Variants in TADA1 observed in about 807,000 individuals in gnomAD.
TADA1 encodes transcriptional adapter 1.
In TADA1, 23 loss-of-function variants were observed where a neutral mutation model predicts 39.3. The ratio of observed to expected loss-of-function variants is 0.58; its 90% confidence interval spans 0.42 to 0.83. The LOEUF (loss-of-function observed/expected upper bound fraction) is 0.83, where lower values mean the gene tolerates loss of function less well. Among genes scored for constraint, TADA1 ranks in the 40% least tolerant of loss-of-function variants. The pLI, the probability that TADA1 is intolerant of heterozygous loss-of-function variation, is 0.00. For synonymous variants in TADA1, 137 were observed against 151.8 expected (o/e 0.90, Z 0.72); for missense variants, 352 against 408.1 (o/e 0.86, Z 1.18).
Position 166,866,479 on chromosome 1 carries a change from A to T in TADA1, c.233-2558T>A, listed in dbSNP as rs531109427. ...TCCTGACTAGCTTAGAAAACTAGAAAACAACCCATCCAAAATTGTGAGGTA... is the reference window on the plus strand; with the variant it reads ...TCCTGACTAGCTTAGAAAACTAGAATACAACCCATCCAAAATTGTGAGGTA... On this transcript the variant is annotated intron_variant, in intron 3 of 7. Transcript: ENST00000367874. Among the ~76,000 whole-genome samples, 227 of 152,260 alleles carry T rather than the reference A, an allele frequency of 1.5e-3. 4 individuals carry two copies. Among genetic ancestry groups the T allele is most frequent in the Admixed American group, 3.7e-3 (56 of 15,300 alleles).
intron 4 of TADA1, 135 bp downstream of exon 4, chr1:166,863,689 C>T: frequency 1.3e-6 from 1 of 796,876 alleles, no homozygotes; most frequent in Non-Finnish European, 2.0e-6. Flanking sequence ...CCTTGAAACG[C>T]TTTTCTTCCC....
At chr1:166,858,032 G>C (rs1487892232) in intron 7 of TADA1, 87 bp downstream of exon 7, 2 of 1,510,150 alleles carry the variant, frequency 1.3e-6, no homozygotes, top group Admixed American at 2.0e-5. Context: ...CCAAGAAGTG[G>C]AAAAAACCAG....
At chr1:166,872,542 C>T (rs1354174870) in intron 1 of TADA1, among the ~76,000 whole-genome samples, 1 of 152,034 alleles carries the variant, frequency 6.6e-6, no homozygotes, top group Non-Finnish European at 1.5e-5. Context: ...TGTGGTGGAA[C>T]GCACCTGTAA....
chr1:166,863,848 A>G lies in TADA1; in HGVS notation c.306T>C (p.Leu102=), dbSNP rs769146126. Residue 102 remains leucine, a synonymous_variant, in exon 4 of 8, where the codon CTT becomes CTC. Transcript: ENST00000367874. ...KPGKPKGKKK[L]SSVRQKFDHR... is the part of the protein sequence containing the mutation. ...CATCAAATTTCTGACGAACAGAAGA[A>G]AGCTTTTTCTTTCCCTTGGGTTTTC... 16 of 1,612,248 alleles carry G rather than the reference A, an allele frequency of 9.9e-6. No individual in the cohort carries two copies. The highest frequency in any genetic ancestry group is 1.4e-5 in the Non-Finnish European group (16 of 1,179,540).
chr1:166,860,475 G>A, intron 5 of TADA1, 138 bp from the exon 6 acceptor site: 3 of 797,332 alleles, frequency 3.8e-6, no homozygotes, highest in Non-Finnish European at 1.9e-6. Flanking sequence ...CCAAATGAAT[G>A]TTCACATGAA....
chr1:166,860,150 A>G, intron 6 of TADA1, 36 bp downstream of exon 6: 2 of 1,571,600 alleles, frequency 1.3e-6, no homozygotes, highest in Non-Finnish European at 1.7e-6. Context: ...ACAACTAGCA[A>G]AAGATGGAAA....
chr1:166,860,079 G>A (rs1658373138), intron 6 of TADA1, 107 bp downstream of exon 6: 3 of 1,098,592 alleles, frequency 2.7e-6, no homozygotes, highest in South Asian at 2.0e-5. Flanking sequence ...TCCTATTAAA[G>A]GTACTTAAAC....
intron 3 of TADA1, among the ~76,000 whole-genome samples, chr1:166,867,758 T>C (rs1010734705): frequency 6.6e-6 from 1 of 151,446 alleles, no homozygotes; most frequent in Non-Finnish European, 1.5e-5. Context: ...TTTTGTATTA[T>C]TAGTAGAGTA....
Position 166,862,327 on chromosome 1 carries a change from CAA to C in TADA1, c.414_415del (p.Cys139PhefsTer13), listed in dbSNP as rs1302255135. On this transcript the variant is annotated frameshift_variant, in exon 5 of 8. Coordinates refer to ENST00000367874, the MANE Select transcript of TADA1 (RefSeq NM_053053.4). LOFTEE classifies it high-confidence loss of function. Reference sequence around the variant, plus strand: ...AGTGGGAAGCATCATTGTGTGGGAACAAAGTTTCAAGTCGTCATCATCTTGGG... The same window carrying C: ...AGTGGGAAGCATCATTGTGTGGGAACAGTTTCAAGTCGTCATCATCTTGGG... 1 of 1,614,166 alleles carries C rather than the reference CAA, an allele frequency of 6.2e-7. No individual in the cohort carries two copies. The highest frequency in any genetic ancestry group is 2.2e-5 in the East Asian group (1 of 44,874).
chr1:166,861,013 A>G (rs1658397726), intron 5 of TADA1, among the ~76,000 whole-genome samples: 1 of 152,210 alleles, frequency 6.6e-6, no homozygotes, highest in Non-Finnish European at 1.5e-5. Context: ...AATAGGACAA[A>G]AAGTTTTAAG....
chr1:166,861,537 T>C (rs1297870253), intron 5 of TADA1, among the ~76,000 whole-genome samples: 1 of 152,174 alleles, frequency 6.6e-6, no homozygotes, highest in Admixed American at 6.5e-5. Flanking sequence ...AATTCTGCTG[T>C]TCAGATGCCA....
At chr1:166,872,054 T>TA (rs1658672151) in intron 1 of TADA1, among the ~76,000 whole-genome samples, 1 of 152,216 alleles carries the variant, frequency 6.6e-6, no homozygotes, top group African/African-American at 2.4e-5. Context: ...TACCAAGAGT[T>TA]AAAAGACTTG....
intron 2 of TADA1, 119 bp from the exon 3 acceptor site, chr1:166,869,629 AAAGTATCCAC>A: frequency 3.3e-5 from 45 of 1,374,306 alleles, no homozygotes; most frequent in Middle Eastern, 1.9e-4. Context: ...CTTTATACTT[AAAGTATCCAC>A]ATTATTAAGA....
chr1:166,869,554 A>G, intron 2 of TADA1, 44 bp from the exon 3 acceptor site: 1 of 1,595,068 alleles, frequency 6.3e-7, no homozygotes, highest in Non-Finnish European at 8.6e-7. Flanking sequence ...AAACATTTTC[A>G]ACATAAGGAA....
chr1:166,867,336 G>C (rs1327505677), intron 3 of TADA1, among the ~76,000 whole-genome samples: 1 of 152,098 alleles, frequency 6.6e-6, no homozygotes, highest in Non-Finnish European at 1.5e-5. Context: ...TAAATTTTAT[G>C]TAACAAAATA....
At chr1:166,868,488 C>A (rs545429400) in intron 3 of TADA1, among the ~76,000 whole-genome samples, 2 of 152,322 alleles carry the variant, frequency 1.3e-5, no homozygotes, top group Non-Finnish European at 2.9e-5. Flanking sequence ...CACCTAACAC[C>A]AACTGCCCTC....
rs182455807 is a variant in TADA1, at chr1:166,872,356, C to T, written c.75-2502G>A. 5.3e-5 allele frequency among the ~76,000 whole-genome samples: 8 copies of T among 152,262 alleles called. No homozygotes were observed. In the East Asian group the frequency reaches 1.4e-3, roughly 26 times the overall value. On this transcript the variant is annotated intron_variant, in intron 1 of 7. Coordinates refer to ENST00000367874, the MANE Select transcript of TADA1 (RefSeq NM_053053.4). ...GTTTAAAAAGAGCCTGGCACCTTCC[C>T]CATTTCTTGTTTCCTTTCACAAAGT...
At chr1:166,865,776 A>G (rs1355233547) in intron 3 of TADA1, among the ~76,000 whole-genome samples, 1 of 151,908 alleles carries the variant, frequency 6.6e-6, no homozygotes, top group African/African-American at 2.4e-5. Flanking sequence ...CCGAGAAAGC[A>G]CCACTGCACT....
Position 166,856,896 on chromosome 1 carries a change from T to C in TADA1, c.*671A>G, listed in dbSNP as rs1351713819. On this transcript the variant is annotated 3_prime_UTR_variant, in exon 8 of 8. Coordinates refer to ENST00000367874, the MANE Select transcript of TADA1 (RefSeq NM_053053.4). ...GGCATATTTAACAAAACTTGAGTCA[T>C]GGGAAGACATAAAGTTAATTAATTG... is the stretch of plus-strand genomic sequence containing the variant. The C allele has an allele frequency of 2.6e-5, 4 of 152,322 alleles. No individual in the cohort carries two copies. The highest frequency in any genetic ancestry group is 7.2e-5 in the African/African-American group (3 of 41,452). The allele number at this position is 152,322 out of a possible 1,614,324, so 9.4% of individuals were successfully genotyped here.
Sources: gnomAD v4.1 joint callset for allele counts (sites outside exome capture counted in the v4.1 genomes callset) on GRCh38, gnomAD v4.1.1 for gene constraint, MANE v1.5 for transcripts, NCBI Gene and HGNC (gene_info 2026-07-23, HGNC 2026-07-21) for gene names.